Variants in ICA1 observed in about 807,000 individuals in gnomAD.
ICA1 encodes 69 kDa islet cell autoantigen.
A neutral mutation model predicts 71.0 loss-of-function variants in ICA1; 40 were observed. The observed-to-expected ratio is 0.56, with a 90% CI of 0.44 to 0.73. The LOEUF is 0.73. ICA1 is among the 30% of genes least tolerant of loss of function. ICA1 has a pLI of 0.00. For missense variants in ICA1, 578 were observed against 576.5 expected (o/e 1.00, Z -0.03); for synonymous variants, 207 against 209.5 (o/e 0.99, Z 0.10).
intron 12 of ICA1, among the ~76,000 whole-genome samples, chr7:8,129,970 TG>T (rs75626206): frequency 0.48 from 71,915 of 150,776 alleles, 17,538 homozygotes; most frequent in East Asian, 0.64. Flanking sequence ...TTTTTGTCCT[TG>T]GCGATAGTTT....
chr7:8,255,102 C>T (rs1563223194), intron 1 of ICA1, among the ~76,000 whole-genome samples: 1 of 152,182 alleles, frequency 6.6e-6, no homozygotes, highest in African/African-American at 2.4e-5. Context: ...CTTACCCCTG[C>T]CCACCTTAGT....
At chr7:8,225,326 T>C in intron 4 of ICA1, among the ~76,000 whole-genome samples, 1 of 152,362 alleles carries the variant, frequency 6.6e-6, no homozygotes, top group South Asian at 2.1e-4. Flanking sequence ...TTAATTTTAT[T>C]CTATGGGTTA....
intron 6 of ICA1, among the ~76,000 whole-genome samples, chr7:8,204,717 T>G (rs1172274896): frequency 1.3e-5 from 2 of 152,262 alleles, no homozygotes; most frequent in Non-Finnish European, 2.9e-5. Flanking sequence ...TTTTGACTTT[T>G]GCACAACTCA....
intron 6 of ICA1, among the ~76,000 whole-genome samples, chr7:8,211,025 C>T (rs1793613724): frequency 6.6e-6 from 1 of 152,156 alleles, no homozygotes; most frequent in Admixed American, 6.5e-5. Flanking sequence ...GCCGCTGAAT[C>T]GTAGAAGAGG....
chr7:8,185,195 A>G (rs1355226446), intron 6 of ICA1, among the ~76,000 whole-genome samples: 6 of 152,266 alleles, frequency 3.9e-5, no homozygotes, highest in African/African-American at 1.4e-4. Flanking sequence ...ATGAAACAGT[A>G]AAGATGGCTG....
intron 6 of ICA1, among the ~76,000 whole-genome samples, chr7:8,159,375 A>G (rs1223952798): frequency 1.3e-5 from 2 of 152,228 alleles, no homozygotes; most frequent in African/African-American, 4.8e-5. Flanking sequence ...TTATTTCATA[A>G]CAAAATAGAA....
intron 6 of ICA1, among the ~76,000 whole-genome samples, chr7:8,212,436 G>A (rs373317171): frequency 3.9e-5 from 6 of 152,102 alleles, no homozygotes; most frequent in African/African-American, 7.2e-5. Flanking sequence ...GTGGTGGCCC[G>A]TGCTTGTAAT....
At chr7:8,183,242 TCTTTA>T (rs1782774786) in intron 6 of ICA1, among the ~76,000 whole-genome samples, 1 of 152,170 alleles carries the variant, frequency 6.6e-6, no homozygotes, top group Non-Finnish European at 1.5e-5. Context: ...TGCCTAAAAG[TCTTTA>T]CTTAAGAAAG....
chr7:8,139,243 C>G (rs1794410760), intron 10 of ICA1, among the ~76,000 whole-genome samples, 196 bp from the exon 11 acceptor site: 1 of 152,192 alleles, frequency 6.6e-6, no homozygotes, highest in South Asian at 2.1e-4. Flanking sequence ...AGCCCTGAAT[C>G]TTTGCTTTGT....
intron 10 of ICA1, among the ~76,000 whole-genome samples, chr7:8,139,479 G>A (rs1314913775): frequency 1.3e-5 from 2 of 152,212 alleles, no homozygotes; most frequent in Admixed American, 1.3e-4. Flanking sequence ...ACAAAACTAT[G>A]AGGACAGTAA....
chr7:8,240,835 C>T (rs546171651), intron 1 of ICA1, among the ~76,000 whole-genome samples: 4 of 151,926 alleles, frequency 2.6e-5, no homozygotes, highest in Non-Finnish European at 4.4e-5. Context: ...ATCAAATTAA[C>T]GAAATAAAGC....
chr7:8,159,376 C>A (rs1802858216), intron 6 of ICA1, among the ~76,000 whole-genome samples: 1 of 152,122 alleles, frequency 6.6e-6, no homozygotes, highest in Non-Finnish European at 1.5e-5. Context: ...TATTTCATAA[C>A]AAAATAGAAA....
chr7:8,217,324 G>T (rs1795704575), intron 6 of ICA1, among the ~76,000 whole-genome samples: 1 of 152,156 alleles, frequency 6.6e-6, no homozygotes, highest in Admixed American at 6.5e-5. Context: ...TCTATATCTA[G>T]GTCAAGAATT....
At chr7:8,208,489 G>C (rs548275246) in intron 6 of ICA1, among the ~76,000 whole-genome samples, 4 of 151,972 alleles carry the variant, frequency 2.6e-5, no homozygotes, top group Admixed American at 6.6e-5. Context: ...AACCCACCAG[G>C]GTACAACTGT....
chr7:8,185,005 C>T (rs949913464), intron 6 of ICA1, among the ~76,000 whole-genome samples: 2 of 151,080 alleles, frequency 1.3e-5, no homozygotes, highest in South Asian at 2.1e-4. Flanking sequence ...ACCTGGGAGG[C>T]GGAGGCTGCA....
intron 7 of ICA1, among the ~76,000 whole-genome samples, chr7:8,158,144 G>A (rs949295542): frequency 6.6e-6 from 1 of 152,216 alleles, no homozygotes; most frequent in Non-Finnish European, 1.5e-5. Context: ...ACAACCTGAT[G>A]AGAAAGATAT....
intron 2 of ICA1, among the ~76,000 whole-genome samples, chr7:8,233,839 A>G (rs1801012368): frequency 6.6e-6 from 1 of 152,108 alleles, no homozygotes; most frequent in South Asian, 2.1e-4. Flanking sequence ...AAAACTTTAA[A>G]CTCTTCCATA....
At chr7:8,190,419 T>C (rs1455361705) in intron 6 of ICA1, among the ~76,000 whole-genome samples, 22 of 152,116 alleles carry the variant, frequency 1.4e-4, no homozygotes, top group Non-Finnish European at 2.9e-5. Context: ...AAAGTAAATG[T>C]ACAAAAAAAT....
chr7:8,151,931 C>T (rs3729624), intron 8 of ICA1, among the ~76,000 whole-genome samples: 41,347 of 152,048 alleles, frequency 0.27, 5,726 homozygotes, highest in African/African-American at 0.34. Flanking sequence ...TTCAGAGTTA[C>T]GTTTTCAAAT....
Sources: allele counts gnomAD v4.1 joint callset (sites outside exome capture counted in the v4.1 genomes callset), GRCh38; gene constraint gnomAD v4.1.1; transcripts MANE v1.5; gene names NCBI Gene and HGNC (gene_info 2026-07-23, HGNC 2026-07-21).